The following C8A variants were observed in gnomAD, a reference collection of about 807,000 sequenced individuals.
The protein encoded by C8A is complement C8 alpha chain, also known as complement component C8 alpha chain.
C8A carries 67 observed loss-of-function variants against 65.3 expected under a neutral mutation model. The ratio of observed to expected loss-of-function variants is 1.03; its 90% confidence interval spans 0.84 to 1.26. The LOEUF is 1.26. Among genes scored for constraint, C8A ranks in the 50% most tolerant of loss-of-function variants. The pLI is 0.00. For synonymous variants in C8A, 290 were observed against 259.4 expected, an observed-to-expected ratio of 1.12 and a Z score of -1.13; for missense variants, 781 against 723.9, an observed-to-expected ratio of 1.08 and a Z score of -0.90.
chr1:56,908,782 G>T, intron 9 of C8A, among the ~76,000 whole-genome samples: 1 of 152,180 alleles, frequency 6.6e-6, no homozygotes, highest in East Asian at 1.9e-4. Context: ...AGGTCATATA[G>T]CTCAGAGGTG....
intron 9 of C8A, among the ~76,000 whole-genome samples, chr1:56,910,130 A>G (rs901065084): frequency 6.6e-6 from 1 of 152,220 alleles, no homozygotes; most frequent in Admixed American, 6.5e-5. Context: ...CCTGATGTTC[A>G]GAGTGGAAAC....
At chr1:56,894,959 C>A (rs763382997) in intron 7 of C8A, among the ~76,000 whole-genome samples, 1 of 151,888 alleles carries the variant, frequency 6.6e-6, no homozygotes. Context: ...AATGTTTTTG[C>A]GTATAATAAC....
intron 7 of C8A, among the ~76,000 whole-genome samples, chr1:56,887,212 A>G (rs1350439765): frequency 1.3e-5 from 2 of 152,164 alleles, no homozygotes; most frequent in South Asian, 4.1e-4. Context: ...TTAAAAAACA[A>G]TTTTCCAGTA....
At chr1:56,877,101 T>C (rs1644205702) in intron 4 of C8A, among the ~76,000 whole-genome samples, 1 of 152,118 alleles carries the variant, frequency 6.6e-6, no homozygotes, top group Admixed American at 6.5e-5. Flanking sequence ...GCATAGCCAA[T>C]GAGACATGTG....
intron 10 of C8A, among the ~76,000 whole-genome samples, chr1:56,915,312 A>G (rs17114605): frequency 0.097 from 14,841 of 152,256 alleles, 1,109 homozygotes; most frequent in African/African-American, 0.2. Context: ...AGGAGCATGC[A>G]GAGAATACAA....
chr1:56,858,092 A>G (rs555781159), intron 1 of C8A, among the ~76,000 whole-genome samples: 2 of 152,226 alleles, frequency 1.3e-5, no homozygotes, highest in South Asian at 4.2e-4. Context: ...GGTACCTTCT[A>G]CTATCTTCTA....
chr1:56,893,552 A>G (rs1297989955), intron 7 of C8A, among the ~76,000 whole-genome samples: 1 of 152,154 alleles, frequency 6.6e-6, no homozygotes, highest in African/African-American at 2.4e-5. Context: ...TTCTAAGTGC[A>G]TGTTGCATGA....
chr1:56,917,420 C>A (rs201905242), intron 10 of C8A, 145 bp from the exon 11 acceptor site: 42 of 780,284 alleles, frequency 5.4e-5, no homozygotes, highest in Non-Finnish European at 9.0e-5. Flanking sequence ...CTGTACGTAC[C>A]TCCAACAAGC....
chr1:56,882,164 C>T (rs145463799), intron 5 of C8A, among the ~76,000 whole-genome samples: 31 of 152,238 alleles, frequency 2.0e-4, no homozygotes, highest in South Asian at 6.2e-4. Flanking sequence ...AAATTGCTGA[C>T]GATCACTAAG....
intron 10 of C8A, among the ~76,000 whole-genome samples, chr1:56,915,846 T>C (rs1644546510): frequency 6.6e-6 from 1 of 152,152 alleles, no homozygotes; most frequent in Non-Finnish European, 1.5e-5. Context: ...ATTTGGGGAA[T>C]GAGAGCAGAG....
At chr1:56,884,145 A>C (rs1314585714) in intron 6 of C8A, among the ~76,000 whole-genome samples, 1 of 152,092 alleles carries the variant, frequency 6.6e-6, no homozygotes, top group Non-Finnish European at 1.5e-5. Flanking sequence ...GGGTCAATAT[A>C]TGCTTCCTTG....
chr1:56,896,207 T>C lies in C8A; in HGVS notation c.1096+10040T>C, dbSNP rs984212979. 2.6e-4 allele frequency among the ~76,000 whole-genome samples: 40 copies of C among 152,210 alleles called. No individual in the cohort carries two copies. The Middle Eastern group carries it at 0.01, about 39-fold the overall frequency. On this transcript the variant is annotated intron_variant, in intron 7 of 10. Transcript: ENST00000361249. ...AGAATACCTGTATCTGTCTCTATTA[T>C]TTATCTTTATATAAAATGTATATAT...
At chr1:56,900,105 C>T (rs1416239017) in intron 7 of C8A, among the ~76,000 whole-genome samples, 1 of 152,182 alleles carries the variant, frequency 6.6e-6, no homozygotes, top group Non-Finnish European at 1.5e-5. Flanking sequence ...TTCTGCCTAG[C>T]TTCCTTTCTC....
Position 56,885,341 on chromosome 1 carries a change from C to A in C8A, c.856-586C>A, listed in dbSNP as rs867046713. On this transcript the variant is annotated intron_variant, in intron 6 of 10. Transcript: ENST00000361249. ...ATATATTTATTTAAATATATATTTACATAAATATATATTTATGTAAATATA... is the reference window on the plus strand; with the variant it reads ...ATATATTTATTTAAATATATATTTAAATAAATATATATTTATGTAAATATA... Among the ~76,000 whole-genome samples, 35 of 120,376 alleles carry A rather than the reference C, an allele frequency of 2.9e-4. 4 individuals are homozygous for A. The highest frequency in any genetic ancestry group is 7.6e-4 in the African/African-American group (22 of 29,010). 79.0% of individuals were successfully genotyped at this position (120,376 alleles called of 152,430 possible). A position where few individuals can be genotyped will look rare whatever the true frequency, so the allele number is the denominator to read the frequency against.
In C8A at chr1:56,912,831, G is replaced by A. The variant is rs1213806746; in HGVS notation, c.1603+206G>A. On this transcript the variant is annotated intron_variant, in intron 10 of 10. Coordinates refer to ENST00000361249, the MANE Select transcript of C8A (RefSeq NM_000562.3). ...GCCATCAAGACCTTTTCTCAGATGA[G>A]AACTGTTTTTCGCCAAGATGTATAT... is the stretch of plus-strand genomic sequence containing the variant. Among the ~76,000 whole-genome samples the A allele has an allele frequency of 5.9e-5, 9 of 152,304 alleles. 1 individual carries two copies. The South Asian group carries it at 1.7e-3, about 28-fold the overall frequency.
chr1:56,911,381 A>G (rs1644504940), intron 9 of C8A, among the ~76,000 whole-genome samples: 1 of 152,182 alleles, frequency 6.6e-6, no homozygotes, highest in Non-Finnish European at 1.5e-5. Flanking sequence ...TTTACAGATG[A>G]GGAAGGAGGC....
At chr1:56,867,476 A>C (rs1463747648) in intron 1 of C8A, 133 bp from the exon 2 acceptor site, 5 of 715,810 alleles carry the variant, frequency 7.0e-6, no homozygotes, top group East Asian at 5.4e-5. Context: ...TTCTACATAA[A>C]GTAGGAGTAC....
At chr1:56,857,199 A>T (rs1643985243) in intron 1 of C8A, among the ~76,000 whole-genome samples, 1 of 151,968 alleles carries the variant, frequency 6.6e-6, no homozygotes, top group South Asian at 2.1e-4. Context: ...TGTTCTATTG[A>T]TTACTGAGAA....
rs775468483 is a variant in C8A, at chr1:56,876,249, A to G, written c.464+40A>G. The G allele has an allele frequency of 3.1e-6, 5 of 1,612,322 alleles. 1 individual carries two copies. In the African/African-American group the frequency reaches 5.3e-5, roughly 17 times the overall value. On this transcript the variant is annotated intron_variant, in intron 4 of 10. Coordinates refer to ENST00000361249, the MANE Select transcript of C8A (RefSeq NM_000562.3). Reference sequence around the variant, plus strand: ...ACTAGCTATTTAGGAGCAGGGAATGATTTGTCTTCAATCGTGAGCATTAGT... The same window carrying G: ...ACTAGCTATTTAGGAGCAGGGAATGGTTTGTCTTCAATCGTGAGCATTAGT...
Sources: allele counts gnomAD v4.1 joint callset (sites outside exome capture counted in the v4.1 genomes callset), GRCh38; gene constraint gnomAD v4.1.1; transcripts MANE v1.5; gene names NCBI Gene and HGNC (gene_info 2026-07-23, HGNC 2026-07-21).